MYCBP2: variants seen among roughly 807,000 people sequenced by gnomAD.
MYCBP2 encodes the protein E3 ubiquitin-protein ligase MYCBP2.
MYCBP2 carries 120 observed loss-of-function variants against 525.3 expected under a neutral mutation model. The ratio of observed to expected loss-of-function variants is 0.23; its 90% CI spans 0.20 to 0.27. The LOEUF (loss-of-function observed/expected upper bound fraction) is 0.27. Among genes scored for constraint, MYCBP2 ranks in the 10% least tolerant of loss-of-function variants. The pLI, the probability that MYCBP2 is intolerant of heterozygous loss-of-function variation, is 1.00. For synonymous variants in MYCBP2, 1,894 were observed against 1,955.8 expected, an observed-to-expected ratio of 0.97 and a Z score of 0.83; for missense variants, 4,149 against 5,657.1, an observed-to-expected ratio of 0.73 and a Z score of 8.55.
chr13:77,187,238 A>T (rs1263982260), intron 30 of MYCBP2, among the ~76,000 whole-genome samples: 3 of 152,250 alleles, frequency 2.0e-5, no homozygotes, highest in Admixed American at 2.0e-4. Flanking sequence ...TGAGATCACT[A>T]AAGAAAGCAT....
At chr13:77,125,998 T>A (rs2154166207) in intron 53 of MYCBP2, among the ~76,000 whole-genome samples, 1 of 152,318 alleles carries the variant, frequency 6.6e-6, no homozygotes. Flanking sequence ...CACATCTCCA[T>A]ACCGATCACA....
At chr13:77,150,626 A>G in intron 47 of MYCBP2, 108 bp downstream of exon 47, 3 of 833,202 alleles carry the variant, frequency 3.6e-6, no homozygotes, top group Non-Finnish European at 5.7e-6. Flanking sequence ...ATATCCATCA[A>G]ATGCTCTTTG....
chr13:77,067,983 A>G (rs1594190204), intron 70 of MYCBP2, 119 bp from the exon 71 acceptor site: 1 of 972,178 alleles, frequency 1.0e-6, no homozygotes. Context: ...GTTGGAGTGC[A>G]GTGGAGCAAC....
In MYCBP2 at chr13:77,185,252, G is replaced by A; in HGVS notation, c.4570C>T (p.Pro1524Ser). The A allele has an allele frequency of 1.2e-6, 2 of 1,614,058 alleles. No homozygotes were observed. Among genetic ancestry groups the A allele is most frequent in the Non-Finnish European group, 1.7e-6 (2 of 1,180,006 alleles). Residue 1524 changes from proline (P) to serine (S), a missense_variant, in exon 32 of 83, where the codon CCT becomes TCT. Coordinates refer to ENST00000544440, the MANE Select transcript of MYCBP2 (RefSeq NM_015057.5). ...DHCMVKLDND[P>S]QGYLSQPLSL... Reference sequence around the variant, plus strand: ...AAGGGTTGACTGAGATATCCTTGAGGATCATTATCCAATTTCACCATGCAG... The same window carrying A: ...AAGGGTTGACTGAGATATCCTTGAGAATCATTATCCAATTTCACCATGCAG...
In MYCBP2 at chr13:77,178,952, T is replaced by TA. The variant is rs571672287; in HGVS notation, c.5134-999dup. Among the ~76,000 whole-genome samples, 131 of 152,342 alleles carry TA rather than the reference T, an allele frequency of 8.6e-4. 1 individual carries two copies. Among genetic ancestry groups the TA allele is most frequent in the African/African-American group, 2.9e-3 (119 of 41,586 alleles). On this transcript the variant is annotated intron_variant, in intron 34 of 82. Coordinates refer to ENST00000544440, the MANE Select transcript of MYCBP2 (RefSeq NM_015057.5). Reference sequence around the variant, plus strand: ...GACTAAATGAGTAAATGTAAAAAGTTAAAAAATTTCTGACAAGGGCTTCAA... The same window carrying TA: ...GACTAAATGAGTAAATGTAAAAAGTTAAAAAAATTTCTGACAAGGGCTTCAA...
chr13:77,088,709 T>C (rs996998016), intron 61 of MYCBP2, 123 bp downstream of exon 61: 11 of 741,910 alleles, frequency 1.5e-5, no homozygotes, highest in Non-Finnish European at 2.3e-5. Context: ...CTTAATACTT[T>C]TAATTGGCTA....
At chr13:77,063,329 G>A (rs2039637563) in intron 73 of MYCBP2, among the ~76,000 whole-genome samples, 1 of 152,136 alleles carries the variant, frequency 6.6e-6, no homozygotes, top group South Asian at 2.1e-4. Flanking sequence ...AGGCCAAGGT[G>A]GGTGGATCAC....
At chr13:77,062,508 G>A (rs1277841855) in intron 74 of MYCBP2, 88 bp downstream of exon 74, 1 of 1,152,502 alleles carries the variant, frequency 8.7e-7, no homozygotes, top group Non-Finnish European at 1.3e-6. Context: ...ATGTTGATGT[G>A]TTTTTTGTTT....
At position 77,169,672 on chromosome 13, in the gene MYCBP2, G is replaced by C; in HGVS notation, c.5837C>G (p.Ser1946Cys). The change falls in exon 39 of 83, where the codon TCC (serine) becomes TGC (cysteine). Residue 1946 changes from serine (S) to cysteine (C), a missense_variant. By Grantham distance (112) the Ser-to-Cys change is moderately radical (BLOSUM62 -1). Around this residue, in one of 21 missense-constraint regions of MYCBP2, gnomAD observed 692 missense variants for 852.7 expected, o/e 0.81. Coordinates refer to ENST00000544440, the MANE Select transcript of MYCBP2 (RefSeq NM_015057.5). ...PELLSSSSLFSMLLPLIIAYI... is the reference protein window; with the variant it reads ...PELLSSSSLFCMLLPLIIAYI... ...GGCTATAATAAGGGGGAGCAGCATG[G>C]AAAACAGACTGGAAGAACTCAGCAG... The C allele has an allele frequency of 6.2e-7, 1 of 1,614,024 alleles. No individual in the cohort carries two copies. The highest frequency in any genetic ancestry group is 8.5e-7 in the Non-Finnish European group (1 of 1,179,998).
At chr13:77,077,025 GA>G in intron 67 of MYCBP2, 122 bp downstream of exon 67, 1 of 1,382,440 alleles carries the variant, frequency 7.2e-7, no homozygotes, top group Non-Finnish European at 9.7e-7. Context: ...GCTATGAAAA[GA>G]AAAAATGGGC....
At position 77,076,756 on chromosome 13, in the gene MYCBP2, A is replaced by G. The variant is rs748929475; in HGVS notation, c.11818T>C (p.Tyr3940His). The change falls in exon 68 of 83, where the codon TAC becomes CAC. Residue 3940 changes from tyrosine to histidine, a missense_variant. Transcript: ENST00000544440. The part of the protein sequence containing the change: ...LSSPEGEEKV[Y>H]NATSDADLKE... ...TTTAGAATACAAATAAATACATTGT[A>G]TACTTTTTCTTCTCCTTCAGGTGAT... 2.5e-6 allele frequency: 4 copies of G among 1,569,696 alleles called. No homozygotes were observed. The highest frequency in any genetic ancestry group is 1.7e-5 in the Admixed American group (1 of 58,696).
chr13:77,165,329 A>G lies in MYCBP2; in HGVS notation c.6403T>C (p.Phe2135Leu). ...SDYVKDDKAS[F>L]YGFKCFAIGY... The stretch of plus-strand genomic sequence containing the variant: ...ATTGCAAAACACTTAAAACCATAGA[A>G]AGAAGCTTTGTCATCTTTCACATAA... The change falls in exon 42 of 83, where the codon TTC becomes CTC. Residue 2135 changes from phenylalanine to leucine, a missense_variant. This residue lies in a region of MYCBP2 where 692 missense variants were observed against 852.7 expected (regional missense o/e 0.81). Transcript: ENST00000544440. 1 of 1,612,794 alleles carries G rather than the reference A, an allele frequency of 6.2e-7. No homozygotes were observed. The highest frequency in any genetic ancestry group is 8.5e-7 in the Non-Finnish European group (1 of 1,179,552).
intron 14 of MYCBP2, among the ~76,000 whole-genome samples, chr13:77,254,122 A>T (rs2071722872): frequency 6.6e-6 from 1 of 151,944 alleles, no homozygotes; most frequent in South Asian, 2.1e-4. Flanking sequence ...AGAAAAAAAA[A>T]TTTGTAGAAA....
intron 60 of MYCBP2, 44 bp from the exon 61 acceptor site, chr13:77,089,075 T>A (rs576506767): frequency 1.4e-6 from 2 of 1,391,690 alleles, no homozygotes; most frequent in South Asian, 2.6e-5. Flanking sequence ...AGGCAGTGCA[T>A]ATATATTTAA....
chr13:77,099,863 G>C (rs995770695), intron 55 of MYCBP2: 2 of 152,052 alleles, frequency 1.3e-5, no homozygotes, highest in African/African-American at 4.8e-5. Flanking sequence ...GACATTAATT[G>C]TTTTTAGCAC....
chr13:77,242,767 G>A (rs571918945), intron 17 of MYCBP2, among the ~76,000 whole-genome samples: 3 of 152,188 alleles, frequency 2.0e-5, no homozygotes, highest in Admixed American at 6.5e-5. Flanking sequence ...ATTTCTAATA[G>A]TTATTGATAG....
In MYCBP2 at chr13:77,181,915, T is replaced by C. The variant is rs1566837747; in HGVS notation, c.4727A>G (p.Gln1576Arg). Residue 1576 changes from glutamine (Q) to arginine (R), a missense_variant, in exon 33 of 83, where the codon CAA (glutamine) becomes CGA (arginine). Transcript: ENST00000544440. ...ACTTGATGTCTTGAAGTTTGCTTCT[T>C]GGATATCCTTTTAAAAACAAAAATA... ...DLLNCLDQDI[Q>R]EANFKTSSSR... 8 of 1,613,138 alleles carry C rather than the reference T, an allele frequency of 5.0e-6. No individual in the cohort carries two copies. Among genetic ancestry groups the C allele is most frequent in the Non-Finnish European group, 6.8e-6 (8 of 1,179,834 alleles).
At chr13:77,233,342 T>A in intron 17 of MYCBP2, 79 bp from the exon 18 acceptor site, 1 of 1,104,514 alleles carries the variant, frequency 9.1e-7, no homozygotes, top group Non-Finnish European at 1.3e-6. Context: ...TAATTCAAAC[T>A]AAAAAGCATA....
In MYCBP2 at chr13:77,058,182, T is replaced by C. The variant is rs746620155; in HGVS notation, c.13329+36A>G. ...GACAAATATATTCCCCATCTTAATG[T>C]CTGGATACATTCAATACTTTAAAAG... On this transcript the variant is annotated intron_variant, in intron 78 of 82. Transcript: ENST00000544440. This position sits in a 1 kb window ranked among gnomAD's most constrained non-coding sequence, Gnocchi z 4.1. The C allele has an allele frequency of 9.4e-6, 15 of 1,600,578 alleles. No individual in the cohort carries two copies. Among genetic ancestry groups the C allele is most frequent in the Non-Finnish European group, 1.3e-5 (15 of 1,171,158 alleles).
Sources: allele counts gnomAD v4.1 joint callset (sites outside exome capture counted in the v4.1 genomes callset), GRCh38; gene constraint gnomAD v4.1.1; regional missense constraint gnomAD v4.1.1; non-coding constraint Gnocchi (gnomAD v3.1); transcripts MANE v1.5; gene names NCBI Gene and HGNC (gene_info 2026-07-23, HGNC 2026-07-21).